Variants in ARHGAP20 observed in about 807,000 individuals in gnomAD.
ARHGAP20 encodes rho GTPase-activating protein 20.
ARHGAP20 carries 34 observed loss-of-function variants against 73.7 expected under a neutral mutation model. The observed-to-expected ratio is 0.46, with a 90% CI of 0.35 to 0.61. The LOEUF is 0.61. ARHGAP20 is among the 20% of genes least tolerant of loss of function. The probability of loss-of-function intolerance (pLI) is 0.00; values close to 1 mark genes in which losing one functional copy is unlikely to be tolerated. For missense variants in ARHGAP20, 1,314 were observed against 1,420.9 expected (o/e 0.92, Z 1.21); for synonymous variants, 523 against 518.2 (o/e 1.01, Z -0.13).
chr11:110,578,215 A>C lies in ARHGAP20; in HGVS notation c.*1155T>G. The C allele has an allele frequency of 5.1e-6, 5 of 985,478 alleles. No homozygotes were observed. The highest frequency in any genetic ancestry group is 6.0e-6 in the Non-Finnish European group (5 of 829,944). The allele number at this position is 985,478 out of a possible 1,614,324, so 61.0% of individuals were successfully genotyped here. ...TAAGCCATGAAACATTTGGGGCAAAAATATGGAACAACGTCTGGAAGCAAA... is the reference window on the plus strand; with the variant it reads ...TAAGCCATGAAACATTTGGGGCAAACATATGGAACAACGTCTGGAAGCAAA... On this transcript the variant is annotated 3_prime_UTR_variant, in exon 15 of 15. Transcript: ENST00000683387.
chr11:110,583,425 T>C, intron 13 of ARHGAP20, 123 bp downstream of exon 13: 1 of 898,352 alleles, frequency 1.1e-6, no homozygotes, highest in Non-Finnish European at 1.6e-6. Context: ...ACCAGTAAAG[T>C]CAAATTTATA....
intron 9 of ARHGAP20, among the ~76,000 whole-genome samples, chr11:110,595,518 A>C (rs1328069327): frequency 6.6e-6 from 1 of 152,238 alleles, no homozygotes; most frequent in African/African-American, 2.4e-5. Flanking sequence ...CGGAGAGCCA[A>C]ATCATGAGTG....
chr11:110,712,072 C>T (rs961281461), intron 1 of ARHGAP20, 55 bp downstream of exon 1: 33 of 1,252,742 alleles, frequency 2.6e-5, no homozygotes, highest in Admixed American at 4.3e-5. Flanking sequence ...AGGGCGCGCG[C>T]CGGCAGTGGG....
At chr11:110,643,425 A>T (rs1318489439) in intron 2 of ARHGAP20, among the ~76,000 whole-genome samples, 1 of 152,078 alleles carries the variant, frequency 6.6e-6, no homozygotes, top group African/African-American at 2.4e-5. Context: ...TCCTCTTAAC[A>T]CTGCTTCAGC....
chr11:110,712,257 GC>G lies in ARHGAP20; in HGVS notation c.-27del. 1 of 1,317,580 alleles carries G rather than the reference GC, an allele frequency of 7.6e-7. No homozygotes were observed. Among genetic ancestry groups the G allele is most frequent in the African/African-American group, 1.5e-5 (1 of 65,616 alleles). The allele number at this position is 1,317,580 out of a possible 1,614,324, so 81.6% of individuals were successfully genotyped here. ...GAAGAAAATCTTCAAACAAATCCCA[GC>G]CCAGGAGGAGGCTACACGATCATGT... On this transcript the variant is annotated 5_prime_UTR_variant, in exon 1 of 15. Transcript: ENST00000683387.
chr11:110,624,802 G>A (rs1483469141), intron 3 of ARHGAP20, among the ~76,000 whole-genome samples: 1 of 152,106 alleles, frequency 6.6e-6, no homozygotes, highest in Non-Finnish European at 1.5e-5. Flanking sequence ...AAACATTGGT[G>A]AAACAGTTAG....
At chr11:110,653,486 G>C (rs912396909) in intron 2 of ARHGAP20, among the ~76,000 whole-genome samples, 1 of 152,162 alleles carries the variant, frequency 6.6e-6, no homozygotes, top group Non-Finnish European at 1.5e-5. Context: ...CAAAATCCCT[G>C]ATCATTAGAA....
chr11:110,610,507 C>T (rs1460025658), intron 7 of ARHGAP20, among the ~76,000 whole-genome samples: 2 of 152,076 alleles, frequency 1.3e-5, no homozygotes, highest in Non-Finnish European at 2.9e-5. Context: ...TTTTTAAGTG[C>T]TTCCTTTAGT....
In ARHGAP20 at chr11:110,690,645, A is replaced by T. The variant is rs778956294; in HGVS notation, c.106-16T>A. On this transcript the variant is annotated splice_polypyrimidine_tract_variant and intron_variant, in intron 1 of 14. Transcript: ENST00000683387. ...TTTTCATTTTCTGTTGATGAAACAA[A>T]CCAAAATGAAGACCACATGGCTTGT... 7 of 1,611,248 alleles carry T rather than the reference A, an allele frequency of 4.3e-6. No homozygotes were observed. The highest frequency in any genetic ancestry group is 5.1e-6 in the Non-Finnish European group (6 of 1,177,544).
In ARHGAP20 at chr11:110,577,383, C is replaced by T; in HGVS notation, c.*1987G>A. 8.5e-7 allele frequency: 1 copy of T among 1,182,994 alleles called. No individual in the cohort carries two copies. The highest frequency in any genetic ancestry group is 1.0e-6 in the Non-Finnish European group (1 of 957,648). The allele number at this position is 1,182,994 out of a possible 1,614,324, so 73.3% of individuals were successfully genotyped here. On this transcript the variant is annotated 3_prime_UTR_variant, in exon 15 of 15. Transcript: ENST00000683387. ...AATTACAGGAGTATCTAAGGGAACA[C>T]AGATAGTAGGAATGGTTATTAAAAA...
chr11:110,581,073 G>T lies in ARHGAP20; in HGVS notation c.1873C>A (p.Leu625Ile), dbSNP rs1046774323. Reference sequence around the variant, plus strand: ...AGGCCTTCCACCTCGGGCTGGTCAAGATCATAGTCACTGAGGGTTAAGACA... The same window carrying T: ...AGGCCTTCCACCTCGGGCTGGTCAATATCATAGTCACTGAGGGTTAAGACA... ...DSVLTLSDYD[L>I]DQPEVEGLLT... Residue 625 changes from leucine to isoleucine, a missense_variant, in exon 15 of 15, where the codon CTT becomes ATT. Around this residue, in one of 3 missense-constraint regions of ARHGAP20, gnomAD observed 230 missense variants for 317.6 expected, o/e 0.72. Coordinates refer to ENST00000683387, the MANE Select transcript of ARHGAP20 (RefSeq NM_001384657.1). The T allele has an allele frequency of 1.2e-6, 2 of 1,614,206 alleles. No homozygotes were observed. Among genetic ancestry groups the T allele is most frequent in the Non-Finnish European group, 1.7e-6 (2 of 1,180,018 alleles).
At chr11:110,678,741 G>A (rs907783990) in intron 2 of ARHGAP20, among the ~76,000 whole-genome samples, 15 of 152,078 alleles carry the variant, frequency 9.9e-5, no homozygotes, top group South Asian at 2.1e-4. Context: ...GGCTCACTGC[G>A]CCTCAACCTC....
At chr11:110,661,908 G>GT (rs141798855) in intron 2 of ARHGAP20, among the ~76,000 whole-genome samples, 6,708 of 151,948 alleles carry the variant, frequency 0.044, 218 homozygotes, top group Non-Finnish European at 0.068. Context: ...TAAGCACAAA[G>GT]TTTTTTCACT....
At chr11:110,637,819 C>CA (rs1300596506) in intron 2 of ARHGAP20, among the ~76,000 whole-genome samples, 1 of 152,048 alleles carries the variant, frequency 6.6e-6, no homozygotes, top group African/African-American at 2.4e-5. Context: ...TTGGAGGAAC[C>CA]AAAGTCTAAA....
rs746235944 is a variant in ARHGAP20 at position 110,581,061 on chromosome 11, C to T, written c.1885G>A (p.Glu629Lys). The T allele has an allele frequency of 5.0e-6, 8 of 1,614,040 alleles. No individual in the cohort carries two copies. The highest frequency in any genetic ancestry group is 3.3e-5 in the South Asian group (3 of 91,074). ...TLSDYDLDQP[E>K]VEGLLTLSDF... ...CTTAGGGTTAAAAGGCCTTCCACCT[C>T]GGGCTGGTCAAGATCATAGTCACTG... The change falls in exon 15 of 15, where the codon GAG (glutamate) becomes AAG (lysine). Residue 629 changes from glutamate (E) to lysine (K), a missense_variant. Physicochemically the swap from Glu to Lys is moderately conservative, Grantham distance 56 (BLOSUM62 1). Coordinates refer to ENST00000683387, the MANE Select transcript of ARHGAP20 (RefSeq NM_001384657.1).
intron 2 of ARHGAP20, among the ~76,000 whole-genome samples, chr11:110,679,811 G>T (rs150934618): frequency 1.3e-5 from 2 of 152,168 alleles, no homozygotes; most frequent in South Asian, 4.1e-4. Context: ...TCAGAACTAT[G>T]TATCAGAAAA....
At chr11:110,593,835 G>A (rs1298008640) in intron 9 of ARHGAP20, among the ~76,000 whole-genome samples, 1 of 152,248 alleles carries the variant, frequency 6.6e-6, no homozygotes, top group Non-Finnish European at 1.5e-5. Flanking sequence ...ACTGAGATTT[G>A]AGGAGCCATA....
chr11:110,603,094 A>C (rs1948147103), intron 9 of ARHGAP20, among the ~76,000 whole-genome samples: 1 of 152,218 alleles, frequency 6.6e-6, no homozygotes. Flanking sequence ...AAATATGGAA[A>C]TCTATCAAGT....
intron 2 of ARHGAP20, among the ~76,000 whole-genome samples, chr11:110,685,448 A>G (rs1950113635): frequency 6.6e-6 from 1 of 151,974 alleles, no homozygotes; most frequent in African/African-American, 2.4e-5. Flanking sequence ...CTAATATAAT[A>G]ATTACTTAGA....
Sources: gnomAD v4.1 joint callset for allele counts (sites outside exome capture counted in the v4.1 genomes callset) on GRCh38, gnomAD v4.1.1 for gene constraint, gnomAD v4.1.1 regional missense constraint, MANE v1.5 for transcripts, NCBI Gene and HGNC (gene_info 2026-07-23, HGNC 2026-07-21) for gene names.